Variants in SYNE2 observed in about 807,000 individuals in gnomAD.
The protein encoded by SYNE2 is spectrin repeat containing nuclear envelope protein 2, also known as nesprin-2.
A neutral mutation model predicts 856.3 loss-of-function variants in SYNE2; 431 were observed. That is an observed-to-expected ratio of 0.50 (90% CI 0.47 to 0.55). The LOEUF is 0.55. Among genes scored for constraint, SYNE2 ranks in the 20% least tolerant of loss-of-function variants. The pLI, the probability that SYNE2 is intolerant of heterozygous loss-of-function variation, is 0.00. For synonymous variants in SYNE2, 2,923 were observed against 2,872.3 expected (o/e 1.02, Z -0.56); for missense variants, 8,129 against 8,023.2 (o/e 1.01, Z -0.50).
chr14:64,122,841 G>A (rs560153266), intron 70 of SYNE2, among the ~76,000 whole-genome samples: 1 of 152,238 alleles, frequency 6.6e-6, no homozygotes, highest in African/African-American at 2.4e-5. Context: ...GGTGGCTCAC[G>A]CCTGTAATCC....
rs36215895 is a variant in SYNE2, at chr14:64,210,033, C to T, written c.18632C>T (p.Thr6211Met). The change falls in exon 103 of 116, where the codon ACG (threonine) becomes ATG (methionine). Residue 6211 changes from threonine to methionine, a missense_variant. Physicochemically the swap from Thr to Met is moderately conservative, Grantham distance 81. Coordinates refer to ENST00000555002, the MANE Select transcript of SYNE2 (RefSeq NM_182914.3). ...CTGGCCCGGGAGAACCGCACAGACA[C>T]GGCCAGCAGGCTGAAGCAGATGGTC... The part of the protein sequence containing the change: ...RRLARENRTD[T>M]ASRLKQMVHE... 6.9e-3 allele frequency: 11,212 copies of T among 1,614,120 alleles called. 60 individuals carry two copies. Among genetic ancestry groups the T allele is most frequent in the Non-Finnish European group, 8.5e-3 (10,054 of 1,180,038 alleles).
chr14:64,224,383 T>G, intron 113 of SYNE2, 78 bp from the exon 114 acceptor site: 1 of 1,277,118 alleles, frequency 7.8e-7, no homozygotes. Context: ...TGATTTAAGG[T>G]AGGGGAGGGT....
Position 64,220,606 on chromosome 14 carries a change from G to T in SYNE2, c.20030G>T (p.Gly6677Val). 3.1e-6 allele frequency: 5 copies of T among 1,614,072 alleles called. No individual in the cohort carries two copies. Among genetic ancestry groups the T allele is most frequent in the Non-Finnish European group, 4.2e-6 (5 of 1,180,022 alleles). The change falls in exon 111 of 116, where the codon GGG becomes GTG. Residue 6677 changes from glycine to valine, a missense_variant. This residue lies in a region of SYNE2 where 5,410 missense variants were observed against 5,284.8 expected (regional missense o/e 1.02). Coordinates refer to ENST00000555002, the MANE Select transcript of SYNE2 (RefSeq NM_182914.3). ...CAGGGCGCAGTGGACAGCTGGAGAG[G>T]GGGCTTACGACAGTCGCTCATGCAG... ...AAQGAVDSWR[G>V]GLRQSLMQCQ...
At chr14:64,201,477 G>A (rs556082391) in intron 99 of SYNE2, among the ~76,000 whole-genome samples, 1 of 152,324 alleles carries the variant, frequency 6.6e-6, no homozygotes, top group East Asian at 1.9e-4. Context: ...TGTCCTGGTG[G>A]GTGCACAGTG....
In SYNE2 at chr14:64,167,384, GCAGGTTAGAA is replaced by G; in HGVS notation, c.16760_16760+9del. Reference sequence around the variant, plus strand: ...GCCACGGCCACGGCACTGGAGCGCTGCAGGTTAGAACATCCCTTCTCTGTCGTTGTTTCAA... The same window carrying G: ...GCCACGGCCACGGCACTGGAGCGCTGCATCCCTTCTCTGTCGTTGTTTCAA... On this transcript the variant is annotated splice_donor_variant and splice_donor_5th_base_variant and coding_sequence_variant and intron_variant, in exon 91 of 116. Transcript: ENST00000555002. LOFTEE classifies it high-confidence loss of function. 6.2e-7 allele frequency: 1 copy of G among 1,614,222 alleles called. No homozygotes were observed. The highest frequency in any genetic ancestry group is 1.6e-4 in the Middle Eastern group (1 of 6,062).
chr14:64,189,915 G>A (rs986312900), intron 98 of SYNE2, among the ~76,000 whole-genome samples, 156 bp from the exon 99 acceptor site: 1 of 151,840 alleles, frequency 6.6e-6, no homozygotes, highest in Admixed American at 6.6e-5. Flanking sequence ...CTCTTGCCTC[G>A]GCTTCCCAAA....
chr14:63,820,750 C>CTT (rs201007276), intron 1 of SYNE2, among the ~76,000 whole-genome samples: 2 of 140,392 alleles, frequency 1.4e-5, no homozygotes, highest in Admixed American at 7.2e-5. Flanking sequence ...CACAGGAGAA[C>CTT]TTTTTTTTTT....
At chr14:64,019,238 ACT>A (rs2096917905) in intron 34 of SYNE2, among the ~76,000 whole-genome samples, 1 of 150,610 alleles carries the variant, frequency 6.6e-6, no homozygotes, top group African/African-American at 2.4e-5. Flanking sequence ...GCACCACTGT[ACT>A]CCATCCTGAA....
At chr14:63,906,002 T>A (rs890266734) in intron 1 of SYNE2, among the ~76,000 whole-genome samples, 1 of 152,102 alleles carries the variant, frequency 6.6e-6, no homozygotes, top group South Asian at 2.1e-4. Flanking sequence ...AGGGTTTTTT[T>A]AAATCATAAA....
chr14:64,178,323 A>C (rs1266527202), intron 96 of SYNE2, among the ~76,000 whole-genome samples: 1 of 152,262 alleles, frequency 6.6e-6, no homozygotes, highest in African/African-American at 2.4e-5. Flanking sequence ...AAAATTAAAA[A>C]GTATACACAC....
Position 63,998,434 on chromosome 14 carries a change from A to G in SYNE2, c.3353+106A>G. On this transcript the variant is annotated intron_variant, in intron 26 of 115. Transcript: ENST00000555002. Reference sequence around the variant, plus strand: ...TATTTTCATTTAGTCGTCATTTTGCATATGATCCAGTAACTTAGAAATTCT... The same window carrying G: ...TATTTTCATTTAGTCGTCATTTTGCGTATGATCCAGTAACTTAGAAATTCT... 25 of 759,256 alleles carry G rather than the reference A, an allele frequency of 3.3e-5. No homozygotes were observed. In the South Asian group the frequency reaches 3.9e-4, roughly 12 times the overall value. 47.0% of individuals were successfully genotyped at this position (759,256 alleles called of 1,614,324 possible).
chr14:63,870,782 T>C (rs549531347), intron 1 of SYNE2, among the ~76,000 whole-genome samples: 1 of 152,096 alleles, frequency 6.6e-6, no homozygotes, highest in Non-Finnish European at 1.5e-5. Context: ...CCACAGACAT[T>C]TCTAAAATTC....
intron 115 of SYNE2, 24 bp from the exon 116 acceptor site, chr14:64,225,295 G>C: frequency 6.2e-7 from 1 of 1,614,068 alleles, no homozygotes. Flanking sequence ...CTCCCAATCA[G>C]CTCTCAACCT....
intron 64 of SYNE2, among the ~76,000 whole-genome samples, chr14:64,105,335 G>A (rs2097764006): frequency 6.6e-6 from 1 of 152,034 alleles, no homozygotes; most frequent in Non-Finnish European, 1.5e-5. Flanking sequence ...GATTTTCCTG[G>A]TCCCCGCCTA....
chr14:64,146,002 A>G, intron 83 of SYNE2, 66 bp from the exon 84 acceptor site: 6 of 1,167,830 alleles, frequency 5.1e-6, no homozygotes, highest in Non-Finnish European at 7.0e-6. Context: ...TTAAAAAATA[A>G]CGTCATGGCA....
intron 46 of SYNE2, chr14:64,049,308 G>A (rs2097207593): frequency 6.4e-6 from 1 of 157,062 alleles, no homozygotes; most frequent in African/African-American, 2.4e-5. Flanking sequence ...AAAATTATCT[G>A]GGTGTGGTGA....
At chr14:63,829,732 T>C (rs997601646) in intron 1 of SYNE2, among the ~76,000 whole-genome samples, 1 of 152,114 alleles carries the variant, frequency 6.6e-6, no homozygotes, top group African/African-American at 2.4e-5. Flanking sequence ...TCCTACCTCC[T>C]CAGCCTGCCT....
intron 53 of SYNE2, among the ~76,000 whole-genome samples, chr14:64,074,741 CA>C (rs1305520909): frequency 6.6e-6 from 1 of 152,090 alleles, no homozygotes; most frequent in African/African-American, 2.4e-5. Context: ...ACTAAAAATA[CA>C]AAAATTAGCC....
At chr14:64,164,345 C>T (rs1038969838) in intron 89 of SYNE2, among the ~76,000 whole-genome samples, 3 of 152,084 alleles carry the variant, frequency 2.0e-5, no homozygotes, top group African/African-American at 4.8e-5. Context: ...CTCCTGACCT[C>T]GTGATCCACC....
Sources: gnomAD v4.1 joint callset for allele counts (sites outside exome capture counted in the v4.1 genomes callset) on GRCh38, gnomAD v4.1.1 for gene constraint, gnomAD v4.1.1 regional missense constraint, MANE v1.5 for transcripts, NCBI Gene and HGNC (gene_info 2026-07-23, HGNC 2026-07-21) for gene names.